SPATA6: variants seen among roughly 807,000 people sequenced by gnomAD.
The protein encoded by SPATA6 is spermatogenesis-associated protein 6.
In SPATA6, 56 loss-of-function variants were observed where a neutral mutation model predicts 65.3. That is an observed-to-expected ratio of 0.86 (90% CI 0.69 to 1.07). SPATA6 has a LOEUF of 1.07. SPATA6 is among the 50% of genes least tolerant of loss of function. The probability of loss-of-function intolerance (pLI) is 0.00; values close to 1 mark genes in which losing one functional copy is unlikely to be tolerated. For missense variants in SPATA6, 590 were observed against 594.8 expected, an observed-to-expected ratio of 0.99 and a Z score of 0.08; for synonymous variants, 199 against 213.2, an observed-to-expected ratio of 0.93 and a Z score of 0.58.
rs1315222907 is a variant in SPATA6, at chr1:48,399,140, AAC to A, written c.780+209_780+210del. ...TGAGAGGATTTAACATGGCATTCAT[AAC>A]ACAGCTTGATCTCTGTCAGGTCTGA... On this transcript the variant is annotated intron_variant, in intron 7 of 12. Transcript: ENST00000371847. 8 of 545,084 alleles carry A rather than the reference AAC, an allele frequency of 1.5e-5. No homozygotes were observed. In the African/African-American group the frequency reaches 1.5e-4, roughly 10 times the overall value. 33.8% of individuals were successfully genotyped at this position (545,084 alleles called of 1,614,324 possible).
In SPATA6 at chr1:48,298,789, T is replaced by C. The variant is rs367557644; in HGVS notation, c.1391A>G (p.Asn464Ser). 1 of 1,614,040 alleles carries C rather than the reference T, an allele frequency of 6.2e-7. No homozygotes were observed. Among genetic ancestry groups the C allele is most frequent in the Non-Finnish European group, 8.5e-7 (1 of 1,179,950 alleles). The change falls in exon 13 of 13, where the codon AAC becomes AGC. Residue 464 changes from asparagine to serine, a missense_variant. By Grantham distance (46) the Asn-to-Ser change is conservative (BLOSUM62 1). Coordinates refer to ENST00000371847, the MANE Select transcript of SPATA6 (RefSeq NM_019073.4). The stretch of plus-strand genomic sequence containing the variant: ...GTTCCTGTACATCTTGTCCATGCTG[T>C]TCTCAAAGATGGGTCGGTGGGATTT... ...KGKSHRPIFE[N>S]SMDKMYRNLY...
chr1:48,321,397 T>G (rs546084028), intron 11 of SPATA6, among the ~76,000 whole-genome samples: 1 of 152,028 alleles, frequency 6.6e-6, no homozygotes, highest in African/African-American at 2.4e-5. Flanking sequence ...TCAGATGAAA[T>G]AGATTTCAAG....
intron 9 of SPATA6, among the ~76,000 whole-genome samples, chr1:48,367,866 T>C (rs897984998): frequency 1.3e-5 from 2 of 152,234 alleles, no homozygotes; most frequent in African/African-American, 4.8e-5. Flanking sequence ...TTTTGCTCAT[T>C]AGTTCATGCA....
intron 7 of SPATA6, among the ~76,000 whole-genome samples, chr1:48,396,081 G>T (rs1042731737): frequency 6.6e-6 from 1 of 151,456 alleles, no homozygotes; most frequent in African/African-American, 2.4e-5. Context: ...TATACAAATG[G>T]CCAATAAGAA....
chr1:48,413,536 T>C (rs944969771), intron 3 of SPATA6, among the ~76,000 whole-genome samples: 1 of 150,030 alleles, frequency 6.7e-6, no homozygotes, highest in South Asian at 2.1e-4. Context: ...TCTCCTGACC[T>C]TGTGATCCAC....
the SPATA6 span, among the ~76,000 whole-genome samples, chr1:48,267,628 TC>T: frequency 6.6e-6 from 1 of 152,024 alleles, no homozygotes; most frequent in East Asian, 1.9e-4. Context: ...AGGCGTCTGT[TC>T]CTCCTCATCA....
In SPATA6 at chr1:48,371,319, T is replaced by G. The variant is rs542359628; in HGVS notation, c.910-11549A>C. Among the ~76,000 whole-genome samples, 92 of 140,920 alleles carry G rather than the reference T, an allele frequency of 6.5e-4. No homozygotes were observed. In the East Asian group the frequency reaches 0.012, roughly 18 times the overall value. The allele number at this position is 140,920 out of a possible 152,430, so 92.4% of individuals were successfully genotyped here. On this transcript the variant is annotated intron_variant, in intron 9 of 12. Transcript: ENST00000371847. Reference sequence around the variant, plus strand: ...GATAGATAGATAGATAGATAGATATTCAAACAAGGAATTTCAAGGGAACTT... The same window carrying G: ...GATAGATAGATAGATAGATAGATATGCAAACAAGGAATTTCAAGGGAACTT...
At chr1:48,283,363 T>G in the SPATA6 span, among the ~76,000 whole-genome samples, 1 of 151,564 alleles carries the variant, frequency 6.6e-6, no homozygotes, top group South Asian at 2.1e-4. Flanking sequence ...AAAAAAATTT[T>G]TAAAAAAGAT....
intron 3 of SPATA6, 105 bp downstream of exon 3, chr1:48,451,447 C>T: frequency 2.1e-6 from 2 of 960,106 alleles, no homozygotes; most frequent in Non-Finnish European, 3.0e-6. Context: ...TTTTAAAGTT[C>T]TACTAACCCC....
chr1:48,360,721 G>T (rs1243367550), intron 9 of SPATA6, among the ~76,000 whole-genome samples: 1 of 152,128 alleles, frequency 6.6e-6, no homozygotes, highest in Non-Finnish European at 1.5e-5. Flanking sequence ...ATTGAGAATA[G>T]TCTGCAGAGG....
At position 48,385,513 on chromosome 1, in the gene SPATA6, A is replaced by T. The variant is rs1042243843; in HGVS notation, c.869-164T>A. ...GAAAGGATAATAATCCATTAGTTAA[A>T]ATTTGTATTAGTTCTTCAGCAATTA... On this transcript the variant is annotated intron_variant, in intron 8 of 12. Transcript: ENST00000371847. Among the ~76,000 whole-genome samples the T allele has an allele frequency of 2.8e-4, 42 of 152,192 alleles. 2 individuals are homozygous for T. Among genetic ancestry groups the T allele is most frequent in the Admixed American group, 2.0e-3 (31 of 15,282 alleles).
intron 11 of SPATA6, chr1:48,325,476 G>T: frequency 8.4e-7 from 1 of 1,190,188 alleles, no homozygotes; most frequent in Non-Finnish European, 1.3e-6. Flanking sequence ...ACAAACTGAG[G>T]GATCCACATT....
At chr1:48,274,028 C>G in the SPATA6 span, among the ~76,000 whole-genome samples, 1 of 152,086 alleles carries the variant, frequency 6.6e-6, no homozygotes, top group Non-Finnish European at 1.5e-5. Flanking sequence ...TTTTAATGAT[C>G]GCCATTTTAA....
At chr1:48,289,454 A>C in the SPATA6 span, among the ~76,000 whole-genome samples, 2 of 152,230 alleles carry the variant, frequency 1.3e-5, no homozygotes, top group Non-Finnish European at 2.9e-5. Flanking sequence ...CCTCCAAAGG[A>C]ATGCAGCTCC....
At chr1:48,425,528 T>C (rs1005770210) in intron 3 of SPATA6, among the ~76,000 whole-genome samples, 1 of 152,186 alleles carries the variant, frequency 6.6e-6, no homozygotes, top group African/African-American at 2.4e-5. Flanking sequence ...AAAAGAAGAA[T>C]AAACTTGGAG....
intron 11 of SPATA6, among the ~76,000 whole-genome samples, chr1:48,346,554 A>G (rs929732764): frequency 6.6e-6 from 1 of 152,126 alleles, no homozygotes; most frequent in Non-Finnish European, 1.5e-5. Context: ...ATGATCTTAT[A>G]TTGAGAAAAC....
At chr1:48,267,767 T>G in the SPATA6 span, among the ~76,000 whole-genome samples, 2 of 137,252 alleles carry the variant, frequency 1.5e-5, no homozygotes, top group African/African-American at 5.4e-5. Context: ...TTTTTTTTTT[T>G]TTTTTTTTTT....
chr1:48,457,159 T>C (rs893635348), intron 1 of SPATA6, among the ~76,000 whole-genome samples: 28 of 152,222 alleles, frequency 1.8e-4, no homozygotes, highest in South Asian at 2.1e-4. Flanking sequence ...TATCCAGGCA[T>C]GGTGGCTCAC....
chr1:48,455,645 G>A (rs990389047), intron 1 of SPATA6, among the ~76,000 whole-genome samples: 10 of 152,170 alleles, frequency 6.6e-5, no homozygotes, highest in Admixed American at 6.5e-4. Context: ...CTCCCAAAGT[G>A]CTGGGATTAC....
Sources: gnomAD v4.1 joint callset for allele counts (sites outside exome capture counted in the v4.1 genomes callset) on GRCh38, gnomAD v4.1.1 for gene constraint, MANE v1.5 for transcripts, NCBI Gene and HGNC (gene_info 2026-07-23, HGNC 2026-07-21) for gene names.